Variants in NEBL observed in about 807,000 individuals in gnomAD.
NEBL encodes LIM and SH3 protein 2.
Under a neutral mutation model 140.2 loss-of-function variants are expected in NEBL, and 122 were observed. The observed-to-expected ratio is 0.87, with a 90% CI of 0.75 to 1.01. The LOEUF is 1.01. Among genes scored for constraint, NEBL ranks in the 50% least tolerant of loss-of-function variants. NEBL has a pLI of 0.00. For synonymous variants in NEBL, 436 were observed against 398.9 expected (o/e 1.09, Z -1.11); for missense variants, 1,365 against 1,231.3 (o/e 1.11, Z -1.62).
intron 2 of NEBL, among the ~76,000 whole-genome samples, chr10:21,033,903 C>T (rs368549226): frequency 8.6e-5 from 13 of 151,990 alleles, no homozygotes; most frequent in African/African-American, 2.4e-4. Flanking sequence ...CAGTGGCTCA[C>T]GCTGGTACTC....
intron 2 of NEBL, among the ~76,000 whole-genome samples, chr10:21,102,375 C>T (rs1392332232): frequency 6.6e-6 from 1 of 152,154 alleles, no homozygotes; most frequent in African/African-American, 2.4e-5. Flanking sequence ...AGATAATGGA[C>T]GTTTTCATCA....
At chr10:21,083,511 G>T (rs1321900602) in intron 2 of NEBL, among the ~76,000 whole-genome samples, 1 of 152,098 alleles carries the variant, frequency 6.6e-6, no homozygotes, top group African/African-American at 2.4e-5. Context: ...TCTTTGCACT[G>T]CAGTCACTTA....
intron 1 of NEBL, among the ~76,000 whole-genome samples, chr10:21,265,309 AGTTATTAG>A (rs1303113716): frequency 6.6e-6 from 1 of 152,092 alleles, no homozygotes; most frequent in Non-Finnish European, 1.5e-5. Context: ...CTATCACATC[AGTTATTAG>A]GTTCTAACAC....
At chr10:21,147,359 C>T (rs1839940470) in intron 2 of NEBL, among the ~76,000 whole-genome samples, 1 of 149,912 alleles carries the variant, frequency 6.7e-6, no homozygotes, top group African/African-American at 2.5e-5. Flanking sequence ...TCCCTTGTAT[C>T]TTTCTGGAAT....
At chr10:21,106,147 C>T (rs1589239330) in intron 2 of NEBL, among the ~76,000 whole-genome samples, 1 of 152,142 alleles carries the variant, frequency 6.6e-6, no homozygotes, top group East Asian at 1.9e-4. Flanking sequence ...TGCCTGTTCA[C>T]TCTGATGATA....
At chr10:21,181,493 C>A (rs1029245303) in intron 3 of NEBL, among the ~76,000 whole-genome samples, 4 of 152,064 alleles carry the variant, frequency 2.6e-5, no homozygotes, top group Admixed American at 6.5e-5. Flanking sequence ...AAAAACTGAA[C>A]AACCCACCTT....
At chr10:21,283,363 T>C (rs1843015931) in intron 1 of NEBL, among the ~76,000 whole-genome samples, 1 of 152,150 alleles carries the variant, frequency 6.6e-6, no homozygotes, top group Admixed American at 6.5e-5. Flanking sequence ...GAAATAACCA[T>C]AAAAACGGGC....
chr10:21,009,994 A>G (rs1838273545), intron 3 of NEBL, among the ~76,000 whole-genome samples: 1 of 152,132 alleles, frequency 6.6e-6, no homozygotes, highest in Admixed American at 6.6e-5. Flanking sequence ...TGAATTCTAT[A>G]TTGTCCTATA....
chr10:20,787,968 T>A (rs2131622385), intron 26 of NEBL, among the ~76,000 whole-genome samples: 1 of 152,292 alleles, frequency 6.6e-6, no homozygotes, highest in East Asian at 1.9e-4. Flanking sequence ...ACCAAATCCT[T>A]AAAGAATTTC....
At chr10:20,806,423 A>C (rs1837625345) in intron 26 of NEBL, among the ~76,000 whole-genome samples, 1 of 152,182 alleles carries the variant, frequency 6.6e-6, no homozygotes, top group Non-Finnish European at 1.5e-5. Context: ...TATCCAATGC[A>C]TGCGTCTGTC....
chr10:20,789,067 C>T (rs1378575671), intron 26 of NEBL, among the ~76,000 whole-genome samples: 1 of 152,176 alleles, frequency 6.6e-6, no homozygotes, highest in East Asian at 1.9e-4. Context: ...AAAACAATTG[C>T]TCTCCTGGAG....
At chr10:21,038,892 A>C (rs1431334063) in intron 2 of NEBL, among the ~76,000 whole-genome samples, 3 of 152,112 alleles carry the variant, frequency 2.0e-5, no homozygotes, top group Non-Finnish European at 4.4e-5. Context: ...AGACTTTTTA[A>C]TGATCACCAT....
chr10:20,914,584 C>T (rs976351631), intron 4 of NEBL, among the ~76,000 whole-genome samples: 2 of 152,032 alleles, frequency 1.3e-5, no homozygotes, highest in African/African-American at 4.8e-5. Flanking sequence ...TTTCTAATTC[C>T]TCAAGTCTAT....
At chr10:20,796,379 A>AC (rs1283986655) in intron 26 of NEBL, among the ~76,000 whole-genome samples, 1 of 150,914 alleles carries the variant, frequency 6.6e-6, no homozygotes, top group East Asian at 1.9e-4. Context: ...AAAAAAAAAA[A>AC]AAAAAAAAAA....
chr10:21,085,486 T>A lies in NEBL; in HGVS notation c.165-65285A>T, dbSNP rs182065109. On this transcript the variant is annotated intron_variant, in intron 2 of 6. Coordinates refer to the NEBL transcript ENST00000417816. ...ACAACAAACAAACAAAAAAACTTAATTAGCCAAGCATAGTGGTGCACACCG... is the reference window on the plus strand; with the variant it reads ...ACAACAAACAAACAAAAAAACTTAAATAGCCAAGCATAGTGGTGCACACCG... Among the ~76,000 whole-genome samples, 8 of 152,144 alleles carry A rather than the reference T, an allele frequency of 5.3e-5. No homozygotes were observed. In the East Asian group the frequency reaches 1.5e-3, roughly 29 times the overall value.
chr10:21,190,412 A>C (rs755878902), intron 3 of NEBL, among the ~76,000 whole-genome samples: 9 of 152,132 alleles, frequency 5.9e-5, no homozygotes, highest in Non-Finnish European at 2.9e-5. Flanking sequence ...TGAGCCTGGG[A>C]GGTAGAGGCT....
At chr10:21,121,331 C>T (rs1212116719) in intron 2 of NEBL, among the ~76,000 whole-genome samples, 3 of 152,034 alleles carry the variant, frequency 2.0e-5, no homozygotes, top group African/African-American at 2.4e-5. Context: ...TGCCAATCCC[C>T]GTTCTTCCAA....
intron 3 of NEBL, among the ~76,000 whole-genome samples, chr10:21,220,132 C>T (rs914021872): frequency 8.5e-5 from 13 of 152,056 alleles, no homozygotes; most frequent in Non-Finnish European, 1.3e-4. Flanking sequence ...AGGCTGGTCT[C>T]GAACTCCTGA....
At chr10:20,948,266 C>T (rs925809425) in intron 4 of NEBL, among the ~76,000 whole-genome samples, 1 of 152,172 alleles carries the variant, frequency 6.6e-6, no homozygotes, top group Non-Finnish European at 1.5e-5. Flanking sequence ...TCTGTCCGGC[C>T]TCTTGCTAAA....
Sources: allele counts gnomAD v4.1 joint callset (sites outside exome capture counted in the v4.1 genomes callset), GRCh38; gene constraint gnomAD v4.1.1; transcripts MANE v1.5; gene names NCBI Gene and HGNC (gene_info 2026-07-23, HGNC 2026-07-21).